Variants in CHST4 observed in about 807,000 individuals in gnomAD.
The protein encoded by CHST4 is carbohydrate sulfotransferase 4.
For missense variants in CHST4, 466 were observed against 506.0 expected (o/e 0.92, Z 0.76); for synonymous variants, 171 against 195.5 (o/e 0.87, Z 1.05).
Position 71,536,689 on chromosome 16 carries a change from TA to T in CHST4, c.19del (p.Met7Ter), listed in dbSNP as rs745406065. On this transcript the variant is annotated frameshift_variant, in exon 2 of 2. Coordinates refer to ENST00000539698, the MANE Select transcript of CHST4 (RefSeq NM_001166395.2). LOFTEE classifies it low-confidence loss of function (END_TRUNC). ...TCCACTTCAGCACAATGCTACTGCC[TA>T]AAAAAATGAAGCTCCTGCTGTTTCT... The part of the protein sequence containing the change: MLLP[K>X]KMKLLLFLVS... 6.7e-6 allele frequency: 10 copies of T among 1,491,434 alleles called. No individual in the cohort carries two copies. The highest frequency in any genetic ancestry group is 4.8e-5 in the Admixed American group (2 of 41,282). The allele number at this position is 1,491,434 out of a possible 1,614,324, so 92.4% of individuals were successfully genotyped here. A position where few individuals can be genotyped will look rare whatever the true frequency, so the allele number is the denominator to read the frequency against.
chr16:71,529,720 G>T (rs1197341609), intron 1 of CHST4, among the ~76,000 whole-genome samples: 1 of 151,868 alleles, frequency 6.6e-6, no homozygotes, highest in Non-Finnish European at 1.5e-5. Context: ...TTGTAGAATT[G>T]TTATGTACGT....
chr16:71,534,038 C>T (rs2043968318), intron 1 of CHST4, among the ~76,000 whole-genome samples: 1 of 142,530 alleles, frequency 7.0e-6, no homozygotes, highest in Non-Finnish European at 1.5e-5. Flanking sequence ...AAGACCCCAT[C>T]TCAAAAAAAA....
At chr16:71,532,457 C>T (rs1047517136) in intron 1 of CHST4, among the ~76,000 whole-genome samples, 2 of 152,146 alleles carry the variant, frequency 1.3e-5, no homozygotes, top group African/African-American at 4.8e-5. Context: ...ATGAGATGAT[C>T]CTCATTGGAT....
intron 1 of CHST4, among the ~76,000 whole-genome samples, chr16:71,530,006 G>A (rs1475644716): frequency 6.6e-6 from 1 of 152,048 alleles, no homozygotes; most frequent in Non-Finnish European, 1.5e-5. Flanking sequence ...AAATTAGCTG[G>A]GCGTGGCTGT....
At chr16:71,531,931 G>T (rs1223965739) in intron 1 of CHST4, among the ~76,000 whole-genome samples, 1 of 151,922 alleles carries the variant, frequency 6.6e-6, no homozygotes, top group African/African-American at 2.4e-5. Context: ...CACCTCTTCA[G>T]TCTTTGCGGG....
chr16:71,527,300 T>C (rs1348570277), intron 1 of CHST4, among the ~76,000 whole-genome samples: 1 of 152,238 alleles, frequency 6.6e-6, no homozygotes, highest in Non-Finnish European at 1.5e-5. Flanking sequence ...CTCTGTGACA[T>C]ATTTGAAGAG....
At chr16:71,533,275 A>C (rs1279473033) in intron 1 of CHST4, among the ~76,000 whole-genome samples, 2 of 151,976 alleles carry the variant, frequency 1.3e-5, no homozygotes, top group Admixed American at 1.3e-4. Flanking sequence ...AAATACAAAA[A>C]TTAGCCGGGC....
intron 1 of CHST4, among the ~76,000 whole-genome samples, chr16:71,532,827 G>A (rs2043958352): frequency 1.3e-5 from 2 of 152,150 alleles, no homozygotes; most frequent in Admixed American, 1.3e-4. Flanking sequence ...TGAAGCACTT[G>A]AAATGGCAAA....
At chr16:71,530,494 G>A (rs904191903) in intron 1 of CHST4, among the ~76,000 whole-genome samples, 6 of 152,142 alleles carry the variant, frequency 3.9e-5, no homozygotes, top group Non-Finnish European at 8.8e-5. Context: ...GGCCAGGTGC[G>A]GTGGCTCACA....
chr16:71,531,527 C>T (rs943536337), intron 1 of CHST4, among the ~76,000 whole-genome samples: 3 of 152,116 alleles, frequency 2.0e-5, no homozygotes, highest in Admixed American at 2.0e-4. Context: ...TCCTGAGAAC[C>T]GTGGACAACT....
chr16:71,526,698 C>T (rs929944928), intron 1 of CHST4, among the ~76,000 whole-genome samples: 9 of 152,286 alleles, frequency 5.9e-5, no homozygotes, highest in Non-Finnish European at 1.0e-4. Context: ...CCCCAAGCCC[C>T]ACTAGCTCTA....
chr16:71,532,954 T>G (rs1052601315), intron 1 of CHST4, among the ~76,000 whole-genome samples: 82 of 152,174 alleles, frequency 5.4e-4, no homozygotes, highest in African/African-American at 1.7e-3. Context: ...CTTTACGAAC[T>G]GCCCTGGAAT....
At chr16:71,527,212 G>A (rs1242203292) in intron 1 of CHST4, among the ~76,000 whole-genome samples, 1 of 152,204 alleles carries the variant, frequency 6.6e-6, no homozygotes, top group Non-Finnish European at 1.5e-5. Flanking sequence ...CCTTGGACAA[G>A]TATGAAACTT....
rs1435172585 is a variant in CHST4, at chr16:71,538,393, C to T, written c.*555C>T. 3 of 168,026 alleles carry T rather than the reference C, an allele frequency of 1.8e-5. No individual in the cohort carries two copies. Among genetic ancestry groups the T allele is most frequent in the African/African-American group, 7.2e-5 (3 of 41,474 alleles). The allele number at this position is 168,026 out of a possible 1,614,324, so 10.4% of individuals were successfully genotyped here. On this transcript the variant is annotated 3_prime_UTR_variant, in exon 2 of 2. Coordinates refer to ENST00000539698, the MANE Select transcript of CHST4 (RefSeq NM_001166395.2). ...AAATCTCTGCACAAAAGAGCAAGCTCTTAAGTTCACAGGGTGCCTGGGCTG... is the reference window on the plus strand; with the variant it reads ...AAATCTCTGCACAAAAGAGCAAGCTTTTAAGTTCACAGGGTGCCTGGGCTG...
intron 1 of CHST4, among the ~76,000 whole-genome samples, chr16:71,529,055 G>T (rs539610482): frequency 6.6e-6 from 1 of 151,374 alleles, no homozygotes; most frequent in Non-Finnish European, 1.5e-5. Flanking sequence ...TTTTTGGGGT[G>T]GTGATGATGG....
chr16:71,531,844 C>T (rs2043950278), intron 1 of CHST4, among the ~76,000 whole-genome samples: 1 of 152,006 alleles, frequency 6.6e-6, no homozygotes, highest in Non-Finnish European at 1.5e-5. Context: ...TTTGGTTTTG[C>T]TCCATTGCTT....
At position 71,538,720 on chromosome 16, in the gene CHST4, T is replaced by G. The variant is rs558204408; in HGVS notation, c.*882T>G. 2 of 154,454 alleles carry G rather than the reference T, an allele frequency of 1.3e-5. No homozygotes were observed. Among genetic ancestry groups the G allele is most frequent in the Non-Finnish European group, 2.9e-5 (2 of 68,054 alleles). 9.6% of individuals were successfully genotyped at this position (154,454 alleles called of 1,614,324 possible). The stretch of plus-strand genomic sequence containing the variant: ...AACTAAGTCTATACCCTCTTAAGAA[T>G]TGGTGGAAAATAGACAATTAGCAGC... On this transcript the variant is annotated 3_prime_UTR_variant, in exon 2 of 2. Transcript: ENST00000539698.
chr16:71,532,523 T>A (rs535198413), intron 1 of CHST4, among the ~76,000 whole-genome samples: 1 of 152,296 alleles, frequency 6.6e-6, no homozygotes, highest in South Asian at 2.1e-4. Context: ...GATAAGGGGT[T>A]TTTCTGCTAT....
intron 1 of CHST4, among the ~76,000 whole-genome samples, chr16:71,527,227 T>C (rs1052104142): frequency 6.6e-6 from 1 of 152,202 alleles, no homozygotes; most frequent in Non-Finnish European, 1.5e-5. Flanking sequence ...AAACTTCTAA[T>C]TGGAATTGAA....
Sources: allele counts gnomAD v4.1 joint callset (sites outside exome capture counted in the v4.1 genomes callset), GRCh38; gene constraint gnomAD v4.1.1; transcripts MANE v1.5; gene names NCBI Gene and HGNC (gene_info 2026-07-23, HGNC 2026-07-21).